Variants in ARHGAP42 observed in about 807,000 individuals in gnomAD.
ARHGAP42 encodes the protein Rho GTPase activating protein 42, also known as rho GTPase-activating protein 42.
A neutral mutation model predicts 125.0 loss-of-function variants in ARHGAP42; 63 were observed. The ratio of observed to expected loss-of-function variants is 0.50; its 90% CI spans 0.41 to 0.62. The LOEUF is 0.62. Ranked by LOEUF, ARHGAP42 falls within the 20% of genes least tolerant of loss-of-function variation. The pLI is 0.00. For missense variants in ARHGAP42, 766 were observed against 1,024.2 expected (o/e 0.75, Z 3.44); for synonymous variants, 339 against 351.0 (o/e 0.97, Z 0.38).
intron 1 of ARHGAP42, among the ~76,000 whole-genome samples, chr11:100,730,410 G>C (rs1227646442): frequency 6.6e-6 from 1 of 152,158 alleles, no homozygotes; most frequent in Non-Finnish European, 1.5e-5. Context: ...GGGTGTGTGG[G>C]TGAATATGGA....
At chr11:100,859,876 G>A (rs1389529682) in intron 4 of ARHGAP42, 1 of 291,630 alleles carries the variant, frequency 3.4e-6, no homozygotes, top group African/African-American at 2.2e-5. Flanking sequence ...GGAAATTAAT[G>A]ATTTTGAAGA....
intron 1 of ARHGAP42, among the ~76,000 whole-genome samples, chr11:100,699,042 T>C (rs1411125252): frequency 6.6e-6 from 1 of 152,134 alleles, no homozygotes; most frequent in African/African-American, 2.4e-5. Flanking sequence ...CTCTTAAATG[T>C]TGGTGGTACC....
chr11:100,736,219 A>AG lies in ARHGAP42; in HGVS notation c.155-34123dup. On this transcript the variant is annotated intron_variant, in intron 1 of 23. Transcript: ENST00000298815. ...AGTGGGCTTGAGCAACAAGGAATAG[A>AG]GATAGAGAATTCTCATCATTTTGTG... Among the ~76,000 whole-genome samples, 2 of 152,194 alleles carry AG rather than the reference A, an allele frequency of 1.3e-5. 1 individual carries two copies. The highest frequency in any genetic ancestry group is 2.9e-5 in the Non-Finnish European group (2 of 68,034).
chr11:100,878,724 C>T (rs911464254), intron 4 of ARHGAP42, among the ~76,000 whole-genome samples: 4 of 152,124 alleles, frequency 2.6e-5, no homozygotes, highest in Non-Finnish European at 4.4e-5. Flanking sequence ...AGAGCATCCT[C>T]TCCCCGCCAA....
Position 100,943,777 on chromosome 11 carries a change from T to A in ARHGAP42, c.952T>A (p.Ser318Thr), listed in dbSNP as rs990506383. ...GTTTCAGAATGGCCTTGTTACTAGC[T>A]CACCGGAAATGTTTAAATTAAAATC... ...SGKMNGLVTSSPEMFKLKSCI... is the reference protein window; with the variant it reads ...SGKMNGLVTSTPEMFKLKSCI... Residue 318 changes from serine to threonine, a missense_variant, in exon 10 of 24, where the codon TCA (serine) becomes ACA (threonine). By Grantham distance (58) the Ser-to-Thr change is moderately conservative (BLOSUM62 1). Transcript: ENST00000298815. 4 of 1,549,560 alleles carry A rather than the reference T, an allele frequency of 2.6e-6. No individual in the cohort carries two copies. The highest frequency in any genetic ancestry group is 3.5e-6 in the Non-Finnish European group (4 of 1,145,554).
chr11:100,862,848 A>G (rs960226320), intron 4 of ARHGAP42, among the ~76,000 whole-genome samples: 15 of 151,968 alleles, frequency 9.9e-5, no homozygotes, highest in Middle Eastern at 3.2e-3. Flanking sequence ...CTTCTGACCA[A>G]CATGGAGAAA....
chr11:100,768,249 A>G (rs554242842), intron 1 of ARHGAP42, among the ~76,000 whole-genome samples: 52 of 152,332 alleles, frequency 3.4e-4, no homozygotes, highest in African/African-American at 1.1e-3. Context: ...AAATACAACA[A>G]TAACAAGTGG....
chr11:100,708,234 G>C (rs767710147), intron 1 of ARHGAP42, among the ~76,000 whole-genome samples: 5 of 152,114 alleles, frequency 3.3e-5, no homozygotes, highest in African/African-American at 7.2e-5. Flanking sequence ...TAATTGGTCT[G>C]GGCGTGGTGG....
chr11:100,784,059 G>A (rs943279946), intron 2 of ARHGAP42, among the ~76,000 whole-genome samples: 2 of 152,122 alleles, frequency 1.3e-5, no homozygotes, highest in African/African-American at 4.8e-5. Flanking sequence ...TTCCAGCTGG[G>A]GACATCAGAA....
intron 3 of ARHGAP42, among the ~76,000 whole-genome samples, chr11:100,822,794 A>T (rs1370117237): frequency 6.6e-6 from 1 of 152,174 alleles, no homozygotes; most frequent in Non-Finnish European, 1.5e-5. Context: ...GTAATTACTT[A>T]TGACCAAAGG....
At chr11:100,896,807 G>T (rs1368084820) in intron 4 of ARHGAP42, among the ~76,000 whole-genome samples, 1 of 152,086 alleles carries the variant, frequency 6.6e-6, no homozygotes, top group Non-Finnish European at 1.5e-5. Context: ...CACTCTGATG[G>T]TAGTTTCTTT....
intron 4 of ARHGAP42, among the ~76,000 whole-genome samples, chr11:100,873,522 G>A (rs59410492): frequency 0.083 from 12,646 of 152,236 alleles, 616 homozygotes; most frequent in East Asian, 0.25. Context: ...GGAGGATGAA[G>A]GCAGAATTAG....
chr11:100,733,929 TG>T lies in ARHGAP42; in HGVS notation c.155-36413del, dbSNP rs1389467832. On this transcript the variant is annotated intron_variant, in intron 1 of 23. Transcript: ENST00000298815. ...AAGAAACTTCCTTCCAAAGCAAAGT[TG>T]TTTTTTTTTTTTTTTTTTTTTTTAA... Among the ~76,000 whole-genome samples the T allele has an allele frequency of 7.2e-3, 1,051 of 146,016 alleles. 5 individuals are homozygous for T. The highest frequency in any genetic ancestry group is 0.017 in the African/African-American group (692 of 39,792).
intron 3 of ARHGAP42, among the ~76,000 whole-genome samples, chr11:100,856,277 A>G (rs1255473503): frequency 1.3e-5 from 2 of 152,114 alleles, no homozygotes; most frequent in Non-Finnish European, 2.9e-5. Context: ...TACCCTTTAT[A>G]TGACATTTTC....
rs2064237040 is a variant in ARHGAP42, at chr11:100,770,347, G to T, written c.159G>T (p.Leu53=). The change falls in exon 2 of 24, where the codon CTG becomes CTT. Residue 53 remains leucine (L), a synonymous_variant. Transcript: ENST00000298815. The part of the protein sequence containing the change: ...GSLLIGALRN[L]SMAVQKFSQS... ...TTGCTTAACTTTTACTTGCAGATCT[G>T]TCTATGGCAGTGCAGAAATTTTCCC... The T allele has an allele frequency of 1.3e-6, 2 of 1,548,954 alleles. No homozygotes were observed. Among genetic ancestry groups the T allele is most frequent in the Non-Finnish European group, 1.7e-6 (2 of 1,146,102 alleles).
intron 1 of ARHGAP42, among the ~76,000 whole-genome samples, chr11:100,731,622 C>T (rs1023546594): frequency 3.9e-5 from 6 of 152,132 alleles, no homozygotes; most frequent in East Asian, 1.9e-4. Flanking sequence ...TTTAATGGGA[C>T]GCTCTGGGGC....
rs569212302 is a variant in ARHGAP42, at chr11:100,927,223, T to A, written c.597+5619T>A. Among the ~76,000 whole-genome samples, 4 of 152,330 alleles carry A rather than the reference T, an allele frequency of 2.6e-5. No homozygotes were observed. In the East Asian group the frequency reaches 7.7e-4, roughly 29 times the overall value. On this transcript the variant is annotated intron_variant, in intron 6 of 23. Coordinates refer to ENST00000298815, the MANE Select transcript of ARHGAP42 (RefSeq NM_152432.4). ...GAAATGCTACTGGCTAAGTCTTTTT[T>A]AAAAGTCCATCAGCTAGTATATAGA... is the stretch of plus-strand genomic sequence containing the variant.
At chr11:100,880,122 G>C (rs1865921315) in intron 4 of ARHGAP42, among the ~76,000 whole-genome samples, 1 of 152,148 alleles carries the variant, frequency 6.6e-6, no homozygotes, top group Admixed American at 6.6e-5. Context: ...TATTTCCATA[G>C]GTTATTAGTG....
chr11:100,917,958 G>T (rs371392384), intron 5 of ARHGAP42, among the ~76,000 whole-genome samples: 1 of 152,068 alleles, frequency 6.6e-6, no homozygotes, highest in African/African-American at 2.4e-5. Flanking sequence ...TCTTGCTGGG[G>T]TGCACCAGAC....
Sources: allele counts gnomAD v4.1 joint callset (sites outside exome capture counted in the v4.1 genomes callset), GRCh38; gene constraint gnomAD v4.1.1; transcripts MANE v1.5; gene names NCBI Gene and HGNC (gene_info 2026-07-23, HGNC 2026-07-21).